RAB31: variants seen among roughly 807,000 people sequenced by gnomAD.
RAB31 encodes ras-related protein Rab-31.
In RAB31, 21 loss-of-function variants were observed where a neutral mutation model predicts 25.6. The ratio of observed to expected loss-of-function variants is 0.82; its 90% CI spans 0.58 to 1.18. RAB31 has a LOEUF of 1.18. Ranked by LOEUF, RAB31 falls within the 50% of genes most tolerant of loss-of-function variation. RAB31 has a pLI of 0.00. For synonymous variants in RAB31, 87 were observed against 84.0 expected (o/e 1.04, Z -0.20); for missense variants, 196 against 250.1 (o/e 0.78, Z 1.46).
intron 3 of RAB31, among the ~76,000 whole-genome samples, chr18:9,797,675 C>T (rs1309263535): frequency 4.6e-5 from 7 of 152,172 alleles, no homozygotes; most frequent in Non-Finnish European, 8.8e-5. Flanking sequence ...ACTATCCAAA[C>T]TCCCACTACC....
At chr18:9,840,040 G>A (rs551916408) in intron 5 of RAB31, among the ~76,000 whole-genome samples, 3 of 152,282 alleles carry the variant, frequency 2.0e-5, no homozygotes, top group South Asian at 4.1e-4. Flanking sequence ...CACCGCTGCT[G>A]CTTTGGGATG....
intron 3 of RAB31, among the ~76,000 whole-genome samples, chr18:9,794,184 C>T (rs976612319): frequency 6.6e-6 from 1 of 152,170 alleles, no homozygotes; most frequent in Non-Finnish European, 1.5e-5. Context: ...TGTGAGCTAC[C>T]ATTTGGGGCC....
chr18:9,714,425 G>C (rs981589700), intron 1 of RAB31, among the ~76,000 whole-genome samples: 1 of 152,222 alleles, frequency 6.6e-6, no homozygotes, highest in African/African-American at 2.4e-5. Context: ...ACAGGAGGCA[G>C]AGCTCAGCTG....
At chr18:9,849,930 T>C (rs1317799351) in intron 6 of RAB31, among the ~76,000 whole-genome samples, 1 of 152,120 alleles carries the variant, frequency 6.6e-6, no homozygotes, top group Non-Finnish European at 1.5e-5. Context: ...CCCTCAAGCT[T>C]TTAAAGCAGG....
chr18:9,709,089 G>A (rs772057976), intron 1 of RAB31, among the ~76,000 whole-genome samples: 2 of 152,320 alleles, frequency 1.3e-5, no homozygotes, highest in East Asian at 1.9e-4. Flanking sequence ...TCCCTGCTGC[G>A]GGTGAAAGAA....
chr18:9,820,842 A>C (rs1005778474), intron 5 of RAB31, among the ~76,000 whole-genome samples: 1 of 152,010 alleles, frequency 6.6e-6, no homozygotes, highest in Non-Finnish European at 1.5e-5. Flanking sequence ...CTTTTCAAAG[A>C]ACCAGTGTTT....
At chr18:9,779,056 G>T (rs73385031) in intron 2 of RAB31, among the ~76,000 whole-genome samples, 10,664 of 152,152 alleles carry the variant, frequency 0.07, 1,131 homozygotes, top group African/African-American at 0.23. Context: ...AAGAGGAGGG[G>T]TTGGTTTTGC....
chr18:9,726,027 G>A (rs571775717), intron 1 of RAB31: 1 of 152,328 alleles, frequency 6.6e-6, no homozygotes, highest in South Asian at 2.1e-4. Flanking sequence ...CGATCTGCAG[G>A]TGTGAAGGAC....
At chr18:9,789,675 AT>A (rs939672996) in intron 2 of RAB31, among the ~76,000 whole-genome samples, 11 of 152,060 alleles carry the variant, frequency 7.2e-5, no homozygotes, top group African/African-American at 2.2e-4. Context: ...GGTTTTTTGA[AT>A]TTTTTTTATG....
intron 5 of RAB31, among the ~76,000 whole-genome samples, chr18:9,825,355 G>A (rs1030885148): frequency 1.5e-4 from 23 of 152,188 alleles, no homozygotes; most frequent in African/African-American, 5.1e-4. Flanking sequence ...CAGAAAGTCT[G>A]GAGAGCCCTA....
chr18:9,838,489 G>T (rs1350383641), intron 5 of RAB31, among the ~76,000 whole-genome samples: 1 of 152,154 alleles, frequency 6.6e-6, no homozygotes, highest in Non-Finnish European at 1.5e-5. Flanking sequence ...TCCCTCACAG[G>T]CAGGGCTTCA....
chr18:9,756,150 G>A (rs2068259531), intron 1 of RAB31, among the ~76,000 whole-genome samples: 1 of 152,204 alleles, frequency 6.6e-6, no homozygotes, highest in African/African-American at 2.4e-5. Flanking sequence ...TAGATAGGGA[G>A]TTAGGGTTTT....
chr18:9,854,647 C>A (rs554894215), intron 6 of RAB31, among the ~76,000 whole-genome samples: 1 of 152,220 alleles, frequency 6.6e-6, no homozygotes, highest in African/African-American at 2.4e-5. Flanking sequence ...TATTCAGGGC[C>A]TTCTAGTAAT....
intron 6 of RAB31, chr18:9,856,221 T>C (rs2068815036): frequency 6.6e-6 from 1 of 152,176 alleles, no homozygotes; most frequent in Non-Finnish European, 1.5e-5. Flanking sequence ...GTTCAAAACA[T>C]GCAGGAGGGG....
intron 1 of RAB31, among the ~76,000 whole-genome samples, chr18:9,734,323 A>G (rs1205124698): frequency 6.6e-6 from 1 of 152,190 alleles, no homozygotes; most frequent in African/African-American, 2.4e-5. Flanking sequence ...CCCCGCAGCC[A>G]GTAAGTGGCA....
chr18:9,758,346 G>T (rs2068270431), intron 1 of RAB31, among the ~76,000 whole-genome samples: 1 of 152,084 alleles, frequency 6.6e-6, no homozygotes, highest in Non-Finnish European at 1.5e-5. Context: ...TCATGGGGAG[G>T]TGCTGGCTTC....
intron 1 of RAB31, among the ~76,000 whole-genome samples, chr18:9,711,768 T>C (rs1242546063): frequency 6.6e-6 from 1 of 152,236 alleles, no homozygotes; most frequent in Non-Finnish European, 1.5e-5. Context: ...TTTCTGCCTG[T>C]TAGAATCACT....
chr18:9,761,082 C>CA (rs2068286250), intron 1 of RAB31, among the ~76,000 whole-genome samples: 1 of 152,156 alleles, frequency 6.6e-6, no homozygotes. Context: ...CATGGTAGCT[C>CA]TGTAGCCATG....
intron 5 of RAB31, among the ~76,000 whole-genome samples, chr18:9,817,254 C>A (rs1385755373): frequency 6.6e-6 from 1 of 152,078 alleles, no homozygotes; most frequent in Non-Finnish European, 1.5e-5. Flanking sequence ...TTAAGTGGAA[C>A]CGAGTCTTAT....
Sources: allele counts gnomAD v4.1 joint callset (sites outside exome capture counted in the v4.1 genomes callset), GRCh38; gene constraint gnomAD v4.1.1; transcripts MANE v1.5; gene names NCBI Gene and HGNC (gene_info 2026-07-23, HGNC 2026-07-21).